Variants in NTF3 observed in about 807,000 individuals in gnomAD.
NTF3 encodes neurotrophin 3.
A neutral mutation model predicts 26.3 loss-of-function variants in NTF3; 8 were observed. That is an observed-to-expected ratio of 0.30 (90% CI 0.18 to 0.55). The LOEUF (loss-of-function observed/expected upper bound fraction) is 0.55, where lower values mean the gene tolerates loss of function less well. Ranked by LOEUF, NTF3 falls within the 20% of genes least tolerant of loss-of-function variation. The pLI, the probability that NTF3 is intolerant of heterozygous loss-of-function variation, is 0.93. For synonymous variants in NTF3, 154 were observed against 145.5 expected (o/e 1.06, Z -0.42); for missense variants, 276 against 352.9 (o/e 0.78, Z 1.75).
chr12:5,473,638 G>A (rs369540532), intron 1 of NTF3, among the ~76,000 whole-genome samples: 23 of 152,344 alleles, frequency 1.5e-4, no homozygotes, highest in African/African-American at 5.3e-4. Context: ...GTGTGAGAGA[G>A]AGGAGACTCA....
chr12:5,492,643 A>G (rs1940952180), intron 1 of NTF3, among the ~76,000 whole-genome samples: 1 of 152,294 alleles, frequency 6.6e-6, no homozygotes, highest in Admixed American at 6.5e-5. Flanking sequence ...ACCTTGAAGG[A>G]GTCAGTTTTC....
intron 1 of NTF3, among the ~76,000 whole-genome samples, chr12:5,454,185 C>T (rs1565387582): frequency 6.6e-6 from 1 of 152,090 alleles, no homozygotes; most frequent in African/African-American, 2.4e-5. Flanking sequence ...GAAGCAGCTG[C>T]CCCACGCCTT....
intron 1 of NTF3, among the ~76,000 whole-genome samples, chr12:5,468,264 G>C (rs1354119917): frequency 6.6e-6 from 1 of 152,206 alleles, no homozygotes; most frequent in Admixed American, 6.5e-5. Flanking sequence ...TATTGAAAGA[G>C]AGAGATGTTT....
chr12:5,448,161 C>A lies in NTF3; in HGVS notation c.18+15819C>A, dbSNP rs536332788. Among the ~76,000 whole-genome samples the A allele has an allele frequency of 1.4e-3, 218 of 152,350 alleles. 1 individual carries two copies. Among genetic ancestry groups the A allele is most frequent in the African/African-American group, 5.0e-3 (207 of 41,576 alleles). ...GATCTGGTTGCAAATCTAATAGATT[C>A]CGCTACCACAATGTCCCCTGCCTTT... On this transcript the variant is annotated intron_variant, in intron 1 of 1. Transcript: ENST00000423158.
rs1008227791 is a variant in NTF3 at position 5,432,406 on chromosome 12, G to A, written c.18+64G>A. ...GGGGATGGGGGTCCACGTGGGGAGGGATTTTCCAGTGGACTGGTGCGGGGG... is the reference window on the plus strand; with the variant it reads ...GGGGATGGGGGTCCACGTGGGGAGGAATTTTCCAGTGGACTGGTGCGGGGG... On this transcript the variant is annotated intron_variant, in intron 1 of 1. Transcript: ENST00000423158. The A allele has an allele frequency of 3.2e-6, 5 of 1,578,248 alleles. No homozygotes were observed. In the East Asian group the frequency reaches 9.0e-5, roughly 28 times the overall value.
chr12:5,443,740 A>T lies in NTF3; in HGVS notation c.18+11398A>T, dbSNP rs550770102. Among the ~76,000 whole-genome samples the T allele has an allele frequency of 2.0e-5, 3 of 152,318 alleles. No individual in the cohort carries two copies. In the East Asian group the frequency reaches 5.8e-4, roughly 29 times the overall value. On this transcript the variant is annotated intron_variant, in intron 1 of 1. Transcript: ENST00000423158. Reference sequence around the variant, plus strand: ...AAATGAGGAAAAGATTGTTTTCTATAGCTCTTTTACTCCTTGTCTCTTTTT... The same window carrying T: ...AAATGAGGAAAAGATTGTTTTCTATTGCTCTTTTACTCCTTGTCTCTTTTT...
intron 1 of NTF3, among the ~76,000 whole-genome samples, chr12:5,480,475 A>C (rs1940775583): frequency 6.6e-6 from 1 of 152,206 alleles, no homozygotes; most frequent in Non-Finnish European, 1.5e-5. Flanking sequence ...CAGTGCTTAA[A>C]GGAGGGTCTC....
chr12:5,469,751 T>G (rs1940641536), intron 1 of NTF3, among the ~76,000 whole-genome samples: 1 of 152,178 alleles, frequency 6.6e-6, no homozygotes, highest in Admixed American at 6.5e-5. Flanking sequence ...TTTTTAACAT[T>G]TAATTGTTTT....
intron 1 of NTF3, among the ~76,000 whole-genome samples, chr12:5,454,903 C>T (rs1190786121): frequency 6.6e-6 from 1 of 152,154 alleles, no homozygotes; most frequent in Non-Finnish European, 1.5e-5. Context: ...TGCTTGGCAG[C>T]CAGGAGTTCT....
chr12:5,455,167 T>C (rs1372735132), intron 1 of NTF3, among the ~76,000 whole-genome samples: 1 of 152,156 alleles, frequency 6.6e-6, no homozygotes. Flanking sequence ...TACAGGGTCA[T>C]GCGGCATGCA....
rs775886780 is a variant in NTF3, at chr12:5,481,990, G to GGCATACATGCAT, written c.19-12196_19-12185dup. On this transcript the variant is annotated intron_variant, in intron 1 of 1. Transcript: ENST00000423158. ...ACACAGAGAAACAGACACACTCGCA[G>GGCATACATGCAT]GCATACATGCATGCATACACACACT... 1.9e-3 allele frequency among the ~76,000 whole-genome samples: 285 copies of GGCATACATGCAT among 151,410 alleles called. 1 individual carries two copies. Among genetic ancestry groups the GGCATACATGCAT allele is most frequent in the Non-Finnish European group, 3.3e-3 (224 of 67,840 alleles).
intron 1 of NTF3, among the ~76,000 whole-genome samples, chr12:5,485,568 A>G (rs1044089099): frequency 6.6e-6 from 1 of 152,240 alleles, no homozygotes; most frequent in Admixed American, 6.5e-5. Context: ...ACAGTCTAGC[A>G]TATGGGGAGG....
intron 1 of NTF3, 78 bp downstream of exon 1, chr12:5,432,420 C>G: frequency 6.5e-7 from 1 of 1,534,414 alleles, no homozygotes; most frequent in South Asian, 1.1e-5. Context: ...TTCCAGTGGA[C>G]TGGTGCGGGG....
intron 1 of NTF3, among the ~76,000 whole-genome samples, chr12:5,490,828 T>C (rs886509889): frequency 1.3e-5 from 2 of 152,162 alleles, no homozygotes; most frequent in African/African-American, 4.8e-5. Context: ...GAAAGCCTTG[T>C]GGGGACCGTG....
chr12:5,472,536 T>C (rs1940678078), intron 1 of NTF3, among the ~76,000 whole-genome samples: 1 of 152,184 alleles, frequency 6.6e-6, no homozygotes, highest in Non-Finnish European at 1.5e-5. Flanking sequence ...ACTTTCTCCC[T>C]CCAGTGGTCA....
intron 1 of NTF3, among the ~76,000 whole-genome samples, chr12:5,479,665 T>C (rs956581544): frequency 6.6e-6 from 1 of 152,206 alleles, no homozygotes; most frequent in African/African-American, 2.4e-5. Context: ...GGCTTTAACA[T>C]AGCAAAAGCC....
chr12:5,480,298 G>A (rs867414260), intron 1 of NTF3, among the ~76,000 whole-genome samples: 14 of 152,268 alleles, frequency 9.2e-5, no homozygotes, highest in African/African-American at 3.4e-4. Flanking sequence ...GGAAGTTCGG[G>A]TGGAAAAACA....
intron 1 of NTF3, among the ~76,000 whole-genome samples, chr12:5,453,108 G>A (rs889693589): frequency 6.6e-6 from 1 of 152,206 alleles, no homozygotes; most frequent in Non-Finnish European, 1.5e-5. Context: ...TTGTATGACT[G>A]AACACATGTA....
At position 5,433,384 on chromosome 12, in the gene NTF3, C is replaced by T. The variant is rs1940125164; in HGVS notation, c.18+1042C>T. ...ACCGAACTGTCCCATTGCCCCAGAG[C>T]TTTACTCAGTGGTGGATGCTCCTGA... is the stretch of plus-strand genomic sequence containing the variant. On this transcript the variant is annotated intron_variant, in intron 1 of 1. Coordinates refer to ENST00000423158, the MANE Select transcript of NTF3 (RefSeq NM_001102654.2). This position sits in a 1 kb window ranked among gnomAD's most constrained non-coding sequence, Gnocchi z 4.6. 1 of 152,358 alleles carries T rather than the reference C, an allele frequency of 6.6e-6. No individual in the cohort carries two copies. The highest frequency in any genetic ancestry group is 1.5e-5 in the Non-Finnish European group (1 of 68,166). 9.4% of individuals were successfully genotyped at this position (152,358 alleles called of 1,614,324 possible).
Sources: gnomAD v4.1 joint callset for allele counts (sites outside exome capture counted in the v4.1 genomes callset) on GRCh38, gnomAD v4.1.1 for gene constraint, Gnocchi (gnomAD v3.1) non-coding constraint, MANE v1.5 for transcripts, NCBI Gene and HGNC (gene_info 2026-07-23, HGNC 2026-07-21) for gene names.